RGS7: variants seen among roughly 807,000 people sequenced by gnomAD.
RGS7 encodes regulator of G protein signaling 7, also known as regulator of G-protein signaling 7.
A neutral mutation model predicts 81.1 loss-of-function variants in RGS7; 27 were observed. That is an observed-to-expected ratio of 0.33 (90% confidence interval 0.25 to 0.46). The LOEUF is 0.46. RGS7 is among the 20% of genes least tolerant of loss of function. The probability of loss-of-function intolerance (pLI) is 1.00; values close to 1 mark genes in which losing one functional copy is unlikely to be tolerated. For missense variants in RGS7, 396 were observed against 607.4 expected, an observed-to-expected ratio of 0.65 and a Z score of 3.66; for synonymous variants, 208 against 207.7, an observed-to-expected ratio of 1.00 and a Z score of -0.01.
intron 17 of RGS7, 25 bp downstream of exon 17, chr1:240,801,430 T>A: frequency 6.7e-7 from 1 of 1,503,714 alleles, no homozygotes; most frequent in Non-Finnish European, 9.2e-7. Context: ...TAATGATTCA[T>A]AATTCCTCAA....
chr1:241,101,176 C>A (rs2064709254), intron 2 of RGS7, among the ~76,000 whole-genome samples: 3 of 152,176 alleles, frequency 2.0e-5, no homozygotes, highest in Non-Finnish European at 2.9e-5. Context: ...GGTTATAGTT[C>A]TCAGTTGGCT....
At chr1:240,944,977 T>C (rs1678364508) in intron 4 of RGS7, among the ~76,000 whole-genome samples, 1 of 151,762 alleles carries the variant, frequency 6.6e-6, no homozygotes, top group African/African-American at 2.4e-5. Flanking sequence ...TTCCCAAGCA[T>C]TGGGATTACA....
intron 2 of RGS7, among the ~76,000 whole-genome samples, chr1:241,181,081 A>G (rs1430818713): frequency 6.6e-6 from 1 of 152,244 alleles, no homozygotes; most frequent in Non-Finnish European, 1.5e-5. Context: ...GGCAGAGCAC[A>G]GAGGATTTTT....
chr1:241,115,607 G>T (rs1472414705), intron 2 of RGS7, among the ~76,000 whole-genome samples: 3 of 152,130 alleles, frequency 2.0e-5, no homozygotes, highest in Non-Finnish European at 4.4e-5. Flanking sequence ...TTTGAGCCTG[G>T]CTTCTCCTTC....
intron 3 of RGS7, among the ~76,000 whole-genome samples, chr1:241,081,116 G>C (rs938504129): frequency 6.6e-6 from 1 of 152,118 alleles, no homozygotes; most frequent in South Asian, 2.1e-4. Context: ...GGCCTTAACT[G>C]TTAGTGCTGA....
intron 2 of RGS7, among the ~76,000 whole-genome samples, chr1:241,312,552 T>C (rs928961046): frequency 6.6e-6 from 1 of 152,102 alleles, no homozygotes; most frequent in East Asian, 1.9e-4. Context: ...GATGTTACTA[T>C]TGTAATTGTT....
At chr1:240,928,179 T>A (rs1273237778) in intron 6 of RGS7, among the ~76,000 whole-genome samples, 3 of 152,206 alleles carry the variant, frequency 2.0e-5, no homozygotes, top group Admixed American at 1.3e-4. Context: ...CCAGGATATA[T>A]AAACCCTGGG....
chr1:241,261,122 A>G (rs1293055343), intron 2 of RGS7, among the ~76,000 whole-genome samples: 1 of 152,162 alleles, frequency 6.6e-6, no homozygotes, highest in Non-Finnish European at 1.5e-5. Flanking sequence ...AAAACAAACA[A>G]AAGGCAGTGT....
At chr1:241,333,075 G>C (rs2082058213) in intron 2 of RGS7, among the ~76,000 whole-genome samples, 1 of 152,130 alleles carries the variant, frequency 6.6e-6, no homozygotes, top group Non-Finnish European at 1.5e-5. Flanking sequence ...GTTTTTGAAG[G>C]GTCTTTCAGG....
At chr1:240,876,046 C>T (rs144963090) in intron 6 of RGS7, among the ~76,000 whole-genome samples, 1 of 152,284 alleles carries the variant, frequency 6.6e-6, no homozygotes, top group African/African-American at 2.4e-5. Flanking sequence ...CTGTCTCACA[C>T]AGGGTTTAGA....
chr1:240,859,766 C>T (rs1334547491), intron 9 of RGS7, among the ~76,000 whole-genome samples: 1 of 151,854 alleles, frequency 6.6e-6, no homozygotes, highest in Admixed American at 6.6e-5. Flanking sequence ...TTAACTTGTT[C>T]TCCTATTCCT....
rs397947911 is a variant in RGS7, at chr1:241,291,570, C to CTTTTTTTTTTTTTTTTTTTT, written c.78+64128_78+64129insAAAAAAAAAAAAAAAAAAAA. Reference sequence around the variant, plus strand: ...CCTTTCTGGCTCAGAGAATTCCCAGCTTTTTTTTTTTTTTTTTGCTTTTTT... The same window carrying CTTTTTTTTTTTTTTTTTTTT: ...CCTTTCTGGCTCAGAGAATTCCCAGCTTTTTTTTTTTTTTTTTTTTTTTTTTTTTTTTTTTTTGCTTTTTT... On this transcript the variant is annotated intron_variant, in intron 2 of 18. Coordinates refer to ENST00000440928, the MANE Select transcript of RGS7 (RefSeq NM_001364886.1). Among the ~76,000 whole-genome samples the CTTTTTTTTTTTTTTTTTTTT allele has an allele frequency of 1.5e-3, 139 of 94,130 alleles. 1 individual carries two copies. Among genetic ancestry groups the CTTTTTTTTTTTTTTTTTTTT allele is most frequent in the Middle Eastern group, 9.3e-3 (1 of 108 alleles). The allele number at this position is 94,130 out of a possible 152,430, so 61.8% of individuals were successfully genotyped here. A position where few individuals can be genotyped will look rare whatever the true frequency, so the allele number is the denominator to read the frequency against.
chr1:240,823,194 C>T (rs575020163), intron 10 of RGS7: 5 of 936,998 alleles, frequency 5.3e-6, no homozygotes, highest in East Asian at 4.9e-5. Context: ...GCAGGATAAG[C>T]GTGTCCATGG....
intron 6 of RGS7, among the ~76,000 whole-genome samples, chr1:240,919,430 A>T (rs1357760490): frequency 2.0e-5 from 3 of 152,332 alleles, no homozygotes; most frequent in African/African-American, 7.2e-5. Flanking sequence ...CAATTTATAC[A>T]TTAATTAATG....
intron 2 of RGS7, among the ~76,000 whole-genome samples, chr1:241,127,548 G>C (rs1018247108): frequency 6.6e-6 from 1 of 152,092 alleles, no homozygotes; most frequent in South Asian, 2.1e-4. Context: ...GTTGTGGCGT[G>C]GGGGGAGCGG....
At chr1:240,932,907 A>T (rs868307136) in intron 5 of RGS7, among the ~76,000 whole-genome samples, 17 of 102,374 alleles carry the variant, frequency 1.7e-4, no homozygotes, top group Non-Finnish European at 2.6e-4. Flanking sequence ...TTTTTGAGAC[A>T]GAGTCTCGCT....
chr1:241,261,532 G>A (rs950767803), intron 2 of RGS7, among the ~76,000 whole-genome samples: 24 of 151,760 alleles, frequency 1.6e-4, no homozygotes, highest in African/African-American at 5.8e-4. Flanking sequence ...GGGAGGCTGA[G>A]GCAGGGGAAT....
At chr1:240,834,437 T>C (rs1694336750) in intron 9 of RGS7, among the ~76,000 whole-genome samples, 1 of 152,038 alleles carries the variant, frequency 6.6e-6, no homozygotes, top group African/African-American at 2.4e-5. Flanking sequence ...AGTGGGCAGG[T>C]TGAGTAGAAG....
At chr1:241,118,205 G>T (rs2066003332) in intron 2 of RGS7, among the ~76,000 whole-genome samples, 1 of 152,020 alleles carries the variant, frequency 6.6e-6, no homozygotes, top group South Asian at 2.1e-4. Flanking sequence ...GAGACTATTG[G>T]GTACATTCCA....
Sources: allele counts gnomAD v4.1 joint callset (sites outside exome capture counted in the v4.1 genomes callset), GRCh38; gene constraint gnomAD v4.1.1; transcripts MANE v1.5; gene names NCBI Gene and HGNC (gene_info 2026-07-23, HGNC 2026-07-21).